ZC3H12B: variants seen among roughly 807,000 people sequenced by gnomAD.
The protein encoded by ZC3H12B is zinc finger CCCH-type containing 12B, also known as probable ribonuclease ZC3H12B.
Under a neutral mutation model 43.9 loss-of-function variants are expected in ZC3H12B, and 7 were observed. That is an observed-to-expected ratio of 0.16 (90% CI 0.09 to 0.30). The LOEUF (loss-of-function observed/expected upper bound fraction) is 0.30. ZC3H12B is among the 10% of genes least tolerant of loss of function. ZC3H12B has a pLI of 1.00. For synonymous variants in ZC3H12B, 222 were observed against 241.7 expected, an observed-to-expected ratio of 0.92 and a Z score of 0.76; for missense variants, 475 against 670.2, an observed-to-expected ratio of 0.71 and a Z score of 3.22.
chrX:65,383,167 A>G (rs888719308), intron 2 of ZC3H12B, among the ~76,000 whole-genome samples: 5 of 112,156 alleles, frequency 4.5e-5, no homozygotes, highest in African/African-American at 1.6e-4. Flanking sequence ...CCAAAAGAAC[A>G]GAGTTGGAGG....
chrX:65,373,897 A>ATATATATATATATATATAAC (rs1215963583), intron 2 of ZC3H12B, among the ~76,000 whole-genome samples: 2 of 27,351 alleles, frequency 7.3e-5, no homozygotes, highest in African/African-American at 3.5e-4. Context: ...GTATAGTAAT[A>ATATATATATATATATATAAC]TATATATATA....
chrX:65,173,426 C>T, the ZC3H12B span, among the ~76,000 whole-genome samples: 7 of 111,241 alleles, frequency 6.3e-5, no homozygotes, highest in African/African-American at 2.3e-4. Context: ...TTTCTCTTGC[C>T]TGATTGTGCT....
At chrX:65,261,586 A>T in the ZC3H12B span, among the ~76,000 whole-genome samples, 1 of 110,932 alleles carries the variant, frequency 9.0e-6, no homozygotes, top group East Asian at 2.8e-4. Context: ...ACTTAGATGG[A>T]TTTATTTTAT....
chrX:65,093,084 G>A, the ZC3H12B span, among the ~76,000 whole-genome samples: 2 of 112,036 alleles, frequency 1.8e-5, no homozygotes, highest in Non-Finnish European at 3.8e-5. Context: ...TCTCAAAAGG[G>A]CCCAGGTGCA....
chrX:65,269,066 G>T, the ZC3H12B span, among the ~76,000 whole-genome samples: 3 of 111,899 alleles, frequency 2.7e-5, no homozygotes, highest in Non-Finnish European at 5.6e-5. Context: ...TATTATCTCA[G>T]CCAGGCACAG....
At chrX:65,160,842 A>G in the ZC3H12B span, among the ~76,000 whole-genome samples, 1 of 110,279 alleles carries the variant, frequency 9.1e-6, no homozygotes, top group Admixed American at 9.7e-5. Flanking sequence ...AGTTCTTTTA[A>G]TTGTGATGTT....
At chrX:65,492,281 G>A (rs1380682150) in intron 1 of ZC3H12B, among the ~76,000 whole-genome samples, 1 of 111,934 alleles carries the variant, frequency 8.9e-6, no homozygotes, top group East Asian at 2.8e-4. Context: ...AAGGATTGCT[G>A]ATCATGAAGG....
intron 3 of ZC3H12B, among the ~76,000 whole-genome samples, chrX:65,416,364 C>G (rs1482479120): frequency 1.8e-5 from 2 of 111,665 alleles, no homozygotes; most frequent in East Asian, 5.6e-4. Flanking sequence ...CCTTCTAATT[C>G]TTTCTGTTAC....
the ZC3H12B span, among the ~76,000 whole-genome samples, chrX:65,220,843 A>T: frequency 8.9e-6 from 1 of 111,749 alleles, no homozygotes; most frequent in South Asian, 3.7e-4. Flanking sequence ...TACCCTAGAA[A>T]AAATGGACTA....
At chrX:65,212,521 A>T in the ZC3H12B span, among the ~76,000 whole-genome samples, 4 of 72,910 alleles carry the variant, frequency 5.5e-5, no homozygotes, top group Non-Finnish European at 9.4e-5. Flanking sequence ...CAATATTTTT[A>T]TTATATTACA....
chrX:65,054,071 T>G, the ZC3H12B span, among the ~76,000 whole-genome samples: 1 of 112,586 alleles, frequency 8.9e-6, no homozygotes, highest in Non-Finnish European at 1.9e-5. Context: ...CTGTTCACTC[T>G]GATGGTAATT....
At chrX:65,434,328 C>G (rs2067196008) in intron 3 of ZC3H12B, among the ~76,000 whole-genome samples, 1 of 112,094 alleles carries the variant, frequency 8.9e-6, no homozygotes, top group African/African-American at 3.2e-5. Flanking sequence ...TTTTAAGTGA[C>G]AAATCCACTG....
chrX:65,101,149 G>C, the ZC3H12B span, among the ~76,000 whole-genome samples: 1 of 111,545 alleles, frequency 9.0e-6, no homozygotes, highest in Non-Finnish European at 1.9e-5. Context: ...ATGACTACTG[G>C]GCACATAATG....
chrX:65,090,550 T>G, the ZC3H12B span, among the ~76,000 whole-genome samples: 1 of 112,110 alleles, frequency 8.9e-6, no homozygotes, highest in Non-Finnish European at 1.9e-5. Flanking sequence ...CTAAACAGTT[T>G]ATTTTTTAAC....
the ZC3H12B span, among the ~76,000 whole-genome samples, chrX:65,227,114 T>C: frequency 2.7e-5 from 3 of 111,450 alleles, no homozygotes; most frequent in East Asian, 5.6e-4. Context: ...TATTCCAAAA[T>C]TGACCACATA....
At chrX:65,313,287 A>G in the ZC3H12B span, among the ~76,000 whole-genome samples, 1 of 112,115 alleles carries the variant, frequency 8.9e-6, no homozygotes, top group African/African-American at 3.2e-5. Context: ...GATGGTTTCT[A>G]TTTTAAGTGT....
the ZC3H12B span, among the ~76,000 whole-genome samples, chrX:65,352,742 A>G: frequency 8.9e-6 from 1 of 112,018 alleles, no homozygotes; most frequent in Admixed American, 9.4e-5. Context: ...CCAACAATGT[A>G]TGCTCACTTC....
At chrX:65,204,994 C>T in the ZC3H12B span, among the ~76,000 whole-genome samples, 1 of 111,687 alleles carries the variant, frequency 9.0e-6, no homozygotes, top group Non-Finnish European at 1.9e-5. Flanking sequence ...AACTACTATT[C>T]TTCCAGCCTT....
intron 2 of ZC3H12B, 115 bp downstream of exon 4, chrX:65,369,113 A>G (rs780346306): frequency 8.9e-6 from 1 of 111,967 alleles, no homozygotes; most frequent in Non-Finnish European, 1.9e-5. Flanking sequence ...TAAGAAAGTG[A>G]AGCTTCCTTC....
Sources: gnomAD v4.1 joint callset for allele counts (sites outside exome capture counted in the v4.1 genomes callset) on GRCh38, gnomAD v4.1.1 for gene constraint, MANE v1.5 for transcripts, NCBI Gene and HGNC (gene_info 2026-07-23, HGNC 2026-07-21) for gene names.